Variants in TENM1 observed in about 807,000 individuals in gnomAD.
The protein encoded by TENM1 is teneurin transmembrane protein 1.
A neutral mutation model predicts 174.8 loss-of-function variants in TENM1; 35 were observed. The observed-to-expected ratio is 0.20, with a 90% CI of 0.15 to 0.27. TENM1 has a LOEUF of 0.27. Ranked by LOEUF, TENM1 falls within the 10% of genes least tolerant of loss-of-function variation. TENM1 has a pLI of 1.00. For missense variants in TENM1, 1,633 were observed against 2,130.1 expected (o/e 0.77, Z 4.59); for synonymous variants, 781 against 798.7 (o/e 0.98, Z 0.37).
Position 124,642,011 on chromosome X carries a change from G to A in TENM1, c.1877-20C>T. 1 of 1,158,889 alleles carries A rather than the reference G, an allele frequency of 8.6e-7. No individual in the cohort carries two copies. The highest frequency in any genetic ancestry group is 1.8e-5 in the African/African-American group (1 of 56,731). On this transcript the variant is annotated intron_variant, in intron 10 of 31. Transcript: ENST00000422452. ...AGTCCTCTGAAGGCACAAAAAAGTG[G>A]GGGGGAGGGGTGATTAATAGTGAAC...
At chrX:124,420,466 C>T in exon 25 of TENM1, 1 of 1,212,029 alleles carries the variant, frequency 8.3e-7, no homozygotes, top group Non-Finnish European at 1.1e-6. Context: ...GTCCGCCAGG[C>T]ACCACAAGCC....
exon 4 of TENM1, chrX:124,737,056 T>C: frequency 8.3e-7 from 1 of 1,211,536 alleles, no homozygotes; most frequent in African/African-American, 1.7e-5. Context: ...TGGGCTGGGC[T>C]GGCTGCGGGT....
At position 124,440,145 on chromosome X, in the gene TENM1, T is replaced by G. The variant is rs770781790; in HGVS notation, c.4104+13192A>C. ...CTCCTTTGCCGTTCCAGAAGGTGTT[T>G]TTCTGCATTTGACAGAGCCAGGAGA... On this transcript the variant is annotated intron_variant, in intron 23 of 31. Transcript: ENST00000422452. Among the ~76,000 whole-genome samples the G allele has an allele frequency of 1.2e-3, 139 of 112,302 alleles. 1 individual carries two copies. Among genetic ancestry groups the G allele is most frequent in the Non-Finnish European group, 2.3e-3 (123 of 53,247 alleles).
At position 124,407,824 on chromosome X, in the gene TENM1, T is replaced by C. The variant is rs144444090; in HGVS notation, c.4983-1335A>G. 5.6e-3 allele frequency among the ~76,000 whole-genome samples: 632 copies of C among 113,192 alleles called. 3 individuals are homozygous for C. The highest frequency in any genetic ancestry group is 0.019 in the African/African-American group (589 of 31,228). ...TCAAATAGGTTATTGACATCACAGA[T>C]ATGCCTAGCCTTAGATGTTAAATTG... is the stretch of plus-strand genomic sequence containing the variant. On this transcript the variant is annotated intron_variant, in intron 25 of 31. Transcript: ENST00000422452.
In TENM1 at chrX:124,772,546, A is replaced by G. The variant is rs181926470; in HGVS notation, c.536-35349T>C. 9.8e-5 allele frequency among the ~76,000 whole-genome samples: 11 copies of G among 112,215 alleles called. No homozygotes were observed. The East Asian group carries it at 3.1e-3, about 31-fold the overall frequency. ...ACTTTTCTATATTAAATGAATAAAAAATTTGCCCCTTAAATGGCATATAAA... is the reference window on the plus strand; with the variant it reads ...ACTTTTCTATATTAAATGAATAAAAGATTTGCCCCTTAAATGGCATATAAA... On this transcript the variant is annotated intron_variant, in intron 3 of 31. Coordinates refer to ENST00000422452, the Ensembl canonical transcript of TENM1.
chrX:125,080,234 A>G, the TENM1 span, among the ~76,000 whole-genome samples: 1 of 111,713 alleles, frequency 9.0e-6, no homozygotes, highest in African/African-American at 3.2e-5. Context: ...AAAAAATAAA[A>G]TAAGTATAAA....
At chrX:124,432,182 C>T (rs947018326) in intron 23 of TENM1, among the ~76,000 whole-genome samples, 5 of 111,667 alleles carry the variant, frequency 4.5e-5, no homozygotes, top group Non-Finnish European at 9.4e-5. Flanking sequence ...AGGGCCATCG[C>T]TCTTTTAGGT....
intron 15 of TENM1, among the ~76,000 whole-genome samples, chrX:124,543,793 C>T (rs2048371909): frequency 8.9e-6 from 1 of 112,319 alleles, no homozygotes; most frequent in Admixed American, 9.4e-5. Flanking sequence ...TCACCATGGG[C>T]AGGGTGCACG....
At chrX:125,021,197 T>G in the TENM1 span, among the ~76,000 whole-genome samples, 1 of 107,827 alleles carries the variant, frequency 9.3e-6, no homozygotes, top group African/African-American at 3.3e-5. Context: ...TCCCAGGGAT[T>G]ACACACATGA....
intron 3 of TENM1, among the ~76,000 whole-genome samples, chrX:124,760,868 C>T (rs1258061300): frequency 9.0e-6 from 1 of 111,459 alleles, no homozygotes; most frequent in Non-Finnish European, 1.9e-5. Flanking sequence ...CAAACAACCC[C>T]ATCAAAAAGT....
At chrX:124,788,863 G>T (rs757513676) in intron 3 of TENM1, among the ~76,000 whole-genome samples, 2 of 111,991 alleles carry the variant, frequency 1.8e-5, no homozygotes, top group Non-Finnish European at 3.8e-5. Flanking sequence ...ACAATTCTGG[G>T]GTATGGAGGA....
At chrX:125,104,138 A>T in the TENM1 span, among the ~76,000 whole-genome samples, 1 of 112,182 alleles carries the variant, frequency 8.9e-6, no homozygotes, top group African/African-American at 3.2e-5. Context: ...CTTTGGAGTC[A>T]CCTGGGTCTG....
intron 4 of TENM1, among the ~76,000 whole-genome samples, chrX:124,717,188 G>C (rs773515159): frequency 5.3e-4 from 59 of 111,123 alleles, no homozygotes; most frequent in Non-Finnish European, 9.4e-4. Flanking sequence ...TCTTCTACTG[G>C]TAACACATTC....
chrX:124,810,871 TAG>T, intron 3 of TENM1, among the ~76,000 whole-genome samples: 1 of 111,031 alleles, frequency 9.0e-6, no homozygotes, highest in East Asian at 2.8e-4. Flanking sequence ...CATAACAGAA[TAG>T]AGAGCCCAGA....
chrX:124,840,383 G>A (rs954877836), intron 3 of TENM1, among the ~76,000 whole-genome samples: 2 of 111,612 alleles, frequency 1.8e-5, no homozygotes, highest in African/African-American at 3.3e-5. Flanking sequence ...TCATCACCTA[G>A]CTTGGAGCAT....
chrX:125,195,881 G>A, the TENM1 span, among the ~76,000 whole-genome samples: 11 of 110,008 alleles, frequency 1.0e-4, no homozygotes, highest in East Asian at 2.9e-4. Context: ...AAGAGTAATC[G>A]CTCCCAATAT....
intron 8 of TENM1, among the ~76,000 whole-genome samples, chrX:124,647,201 A>G (rs899529162): frequency 8.9e-6 from 1 of 111,907 alleles, no homozygotes; most frequent in Non-Finnish European, 1.9e-5. Context: ...TCTACTGTTT[A>G]TTTTTCAAAT....
At chrX:124,918,763 G>A (rs1471187699) in intron 1 of TENM1, among the ~76,000 whole-genome samples, 3 of 111,340 alleles carry the variant, frequency 2.7e-5, no homozygotes, top group Non-Finnish European at 5.7e-5. Flanking sequence ...TCATCACAAT[G>A]ACTCAGAGAG....
chrX:125,109,471 T>A, the TENM1 span, among the ~76,000 whole-genome samples: 1 of 110,819 alleles, frequency 9.0e-6, no homozygotes, highest in African/African-American at 3.3e-5. Context: ...GATCAACCCA[T>A]CATCCAGGTA....
Sources: allele counts gnomAD v4.1 joint callset (sites outside exome capture counted in the v4.1 genomes callset), GRCh38; gene constraint gnomAD v4.1.1; transcripts MANE v1.5; gene names NCBI Gene and HGNC (gene_info 2026-07-23, HGNC 2026-07-21).